The following USP31 variants were observed in gnomAD, a reference collection of about 807,000 sequenced individuals.
USP31 encodes ubiquitin carboxyl-terminal hydrolase 31.
In USP31, 44 loss-of-function variants were observed where a neutral mutation model predicts 119.4. The ratio of observed to expected loss-of-function variants is 0.37; its 90% confidence interval spans 0.29 to 0.47. USP31 has a LOEUF of 0.47. USP31 is among the 20% of genes least tolerant of loss of function. USP31 has a pLI of 0.99. For synonymous variants in USP31, 749 were observed against 705.6 expected (o/e 1.06, Z -0.97); for missense variants, 1,643 against 1,730.2 (o/e 0.95, Z 0.89).
At chr16:23,130,097 T>C (rs529879321) in intron 1 of USP31, among the ~76,000 whole-genome samples, 21 of 152,322 alleles carry the variant, frequency 1.4e-4, no homozygotes, top group African/African-American at 4.8e-4. Context: ...AAGTCTCTGA[T>C]GCTACAGCTC....
intron 1 of USP31, among the ~76,000 whole-genome samples, chr16:23,133,097 T>C (rs1206560863): frequency 6.6e-6 from 1 of 152,226 alleles, no homozygotes. Context: ...TGTGTGATGA[T>C]AGGAAAAATA....
At position 23,067,902 on chromosome 16, in the gene USP31, C is replaced by T; in HGVS notation, c.*144G>A. The T allele has an allele frequency of 9.8e-7, 1 of 1,019,612 alleles. No homozygotes were observed. Among genetic ancestry groups the T allele is most frequent in the Non-Finnish European group, 1.4e-6 (1 of 720,548 alleles). 63.2% of individuals were successfully genotyped at this position (1,019,612 alleles called of 1,614,324 possible). ...AATTTGCAATTGAATTAGACACACA[C>T]ACGCATACACTCACACACACACACA... On this transcript the variant is annotated 3_prime_UTR_variant, in exon 16 of 16. Coordinates refer to ENST00000219689, the MANE Select transcript of USP31 (RefSeq NM_020718.4).
At chr16:23,111,594 G>C (rs1374005201) in intron 1 of USP31, among the ~76,000 whole-genome samples, 1 of 152,202 alleles carries the variant, frequency 6.6e-6, no homozygotes, top group Non-Finnish European at 1.5e-5. Context: ...TAAGGACAAA[G>C]ATTTGGAATT....
rs1414957523 is a variant in USP31, at chr16:23,068,210, C to G, written c.3895G>C (p.Ala1299Pro). The change falls in exon 16 of 16, where the codon GCT becomes CCT. Residue 1299 changes from alanine to proline, a missense_variant. Ala to Pro is a conservative substitution (Grantham distance 27). Around this residue, in one of 5 missense-constraint regions of USP31, gnomAD observed 699 missense variants for 650.9 expected, o/e 1.07. Coordinates refer to ENST00000219689, the MANE Select transcript of USP31 (RefSeq NM_020718.4). ...GKEQLVTKDP[A>P]SAKHSLLSAR... ...GACAGCAGGGAATGTTTGGCAGAAGCAGGGTCCTTGGTGACAAGCTGCTCT... is the reference window on the plus strand; with the variant it reads ...GACAGCAGGGAATGTTTGGCAGAAGGAGGGTCCTTGGTGACAAGCTGCTCT... 6.2e-7 allele frequency: 1 copy of G among 1,614,174 alleles called. No homozygotes were observed. The highest frequency in any genetic ancestry group is 8.5e-7 in the Non-Finnish European group (1 of 1,180,026).
chr16:23,135,307 C>G (rs772124354), intron 1 of USP31, among the ~76,000 whole-genome samples: 11 of 152,094 alleles, frequency 7.2e-5, no homozygotes, highest in Non-Finnish European at 1.3e-4. Context: ...ACTTTTACCA[C>G]TTCTATTCAA....
In USP31 at chr16:23,087,754, C is replaced by T. The variant is rs894822948; in HGVS notation, c.1497G>A (p.Lys499=). 6.2e-7 allele frequency: 1 copy of T among 1,614,088 alleles called. No homozygotes were observed. Among genetic ancestry groups the T allele is most frequent in the Non-Finnish European group, 8.5e-7 (1 of 1,180,020 alleles). Residue 499 remains lysine, a synonymous_variant, in exon 8 of 16, where the codon AAG becomes AAA. Transcript: ENST00000219689. Reference sequence around the variant, plus strand: ...TGCAAACCGTGGGCCTCAAGAAATACTTCATCTTCTCCAAGATTTCCTTCT... The same window carrying T: ...TGCAAACCGTGGGCCTCAAGAAATATTTCATCTTCTCCAAGATTTCCTTCT... ...LLQKEILEKM[K]YFLRPTVCIQ...
rs2141820664 is a variant in USP31, at chr16:23,066,382, A to C, written c.*1664T>G. On this transcript the variant is annotated 3_prime_UTR_variant, in exon 16 of 16. Transcript: ENST00000219689. ...AAAATAAAGTTAAGTAACGTACTAAAAACTTTTCCCAAGAGATATTCTTGG... is the reference window on the plus strand; with the variant it reads ...AAAATAAAGTTAAGTAACGTACTAACAACTTTTCCCAAGAGATATTCTTGG... The C allele has an allele frequency of 6.5e-6, 1 of 152,732 alleles. No individual in the cohort carries two copies. The highest frequency in any genetic ancestry group is 2.1e-4 in the South Asian group (1 of 4,824). 9.5% of individuals were successfully genotyped at this position (152,732 alleles called of 1,614,324 possible).
At chr16:23,083,437 G>A (rs1032170693) in intron 11 of USP31, among the ~76,000 whole-genome samples, 1 of 152,016 alleles carries the variant, frequency 6.6e-6, no homozygotes, top group Non-Finnish European at 1.5e-5. Flanking sequence ...AACATGGTAT[G>A]TACTCAAAAA....
Position 23,068,764 on chromosome 16 carries a change from T to C in USP31, c.3341A>G (p.Lys1114Arg), listed in dbSNP as rs748444220. Residue 1114 changes from lysine (K) to arginine (R), a missense_variant, in exon 16 of 16, where the codon AAG (lysine) becomes AGG (arginine). Coordinates refer to ENST00000219689, the MANE Select transcript of USP31 (RefSeq NM_020718.4). ...QDSVSSPSPQ[K>R]QKSASALTYT... ...GGTGAGGGCCGAGGCTGACTTCTGC[T>C]TCTGTGGCGAAGGAGATGACACGGA... 6.3e-7 allele frequency: 1 copy of C among 1,581,602 alleles called. No individual in the cohort carries two copies. The highest frequency in any genetic ancestry group is 1.2e-5 in the South Asian group (1 of 85,296).
rs143388350 is a variant in USP31 at position 23,136,464 on chromosome 16, C to A, written c.633+12174G>T. 8.1e-3 allele frequency among the ~76,000 whole-genome samples: 1,234 copies of A among 151,858 alleles called. 21 individuals carry two copies. The highest frequency in any genetic ancestry group is 0.028 in the African/African-American group (1,143 of 41,416). ...GGTCAGGAGTTCGAGACCAGCCTGGCCAACATGGTGAAACCCCGTCTCTAC... is the reference window on the plus strand; with the variant it reads ...GGTCAGGAGTTCGAGACCAGCCTGGACAACATGGTGAAACCCCGTCTCTAC... On this transcript the variant is annotated intron_variant, in intron 1 of 15. Coordinates refer to ENST00000219689, the MANE Select transcript of USP31 (RefSeq NM_020718.4).
chr16:23,104,255 A>T (rs1369384268), intron 5 of USP31, among the ~76,000 whole-genome samples: 1 of 152,172 alleles, frequency 6.6e-6, no homozygotes. Context: ...TTCCTGGCAC[A>T]TTTTCCTTCT....
intron 1 of USP31, among the ~76,000 whole-genome samples, chr16:23,117,803 T>C (rs1902543380): frequency 6.6e-6 from 1 of 151,842 alleles, no homozygotes. Flanking sequence ...TCTGTTCTTG[T>C]TGTTGTTGAG....
chr16:23,119,262 C>A (rs1476314517), intron 1 of USP31, among the ~76,000 whole-genome samples: 2 of 151,868 alleles, frequency 1.3e-5, no homozygotes, highest in African/African-American at 2.4e-5. Context: ...CCATGCCCAG[C>A]TAATTTTTGT....
rs1016299078 is a variant in USP31 at position 23,072,888 on chromosome 16, A to G, written c.2336-691T>C. ...GTGTTAACTGAGTGAGTGGCTGTAC[A>G]CTGGGTGGGCTTGGCCCCCAGCAGG... On this transcript the variant is annotated intron_variant, in intron 14 of 15. Transcript: ENST00000219689. Among the ~76,000 whole-genome samples the G allele has an allele frequency of 2.0e-5, 3 of 151,906 alleles. No individual in the cohort carries two copies. In the East Asian group the frequency reaches 5.8e-4, roughly 30 times the overall value.
chr16:23,148,623 G>C lies in USP31; in HGVS notation c.633+15C>G. Reference sequence around the variant, plus strand: ...GCTCGGGGTGCAGTGGGGGCGCGGCGGCGCGCGGGCTCACCTTGAAGTCGC... The same window carrying C: ...GCTCGGGGTGCAGTGGGGGCGCGGCCGCGCGCGGGCTCACCTTGAAGTCGC... On this transcript the variant is annotated intron_variant, in intron 1 of 15. Coordinates refer to ENST00000219689, the MANE Select transcript of USP31 (RefSeq NM_020718.4). 1 of 1,456,654 alleles carries C rather than the reference G, an allele frequency of 6.9e-7. No homozygotes were observed. Among genetic ancestry groups the C allele is most frequent in the African/African-American group, 1.5e-5 (1 of 67,444 alleles). The allele number at this position is 1,456,654 out of a possible 1,614,324, so 90.2% of individuals were successfully genotyped here. A position where few individuals can be genotyped will look rare whatever the true frequency, so the allele number is the denominator to read the frequency against.
chr16:23,135,554 CA>C (rs1903163810), intron 1 of USP31, among the ~76,000 whole-genome samples: 1 of 151,426 alleles, frequency 6.6e-6, no homozygotes, highest in South Asian at 2.1e-4. Flanking sequence ...ATGAACAATC[CA>C]AAAATAAAAC....
intron 1 of USP31, among the ~76,000 whole-genome samples, chr16:23,139,253 T>C (rs888015570): frequency 2.6e-5 from 4 of 151,960 alleles, no homozygotes; most frequent in African/African-American, 9.7e-5. Context: ...AATACAAAAA[T>C]TAGCTGGGCA....
At position 23,069,452 on chromosome 16, in the gene USP31, C is replaced by G; in HGVS notation, c.2653G>C (p.Gly885Arg). 1 of 1,614,168 alleles carries G rather than the reference C, an allele frequency of 6.2e-7. No homozygotes were observed. The highest frequency in any genetic ancestry group is 8.5e-7 in the Non-Finnish European group (1 of 1,180,028). Residue 885 changes from glycine (G) to arginine (R), a missense_variant, in exon 16 of 16, where the codon GGG (glycine) becomes CGG (arginine). By Grantham distance (125) the Gly-to-Arg change is moderately radical (BLOSUM62 -2). Coordinates refer to ENST00000219689, the MANE Select transcript of USP31 (RefSeq NM_020718.4). ...MRSNSPSRFS[G>R]DSPIHSSAST... ...GCAGAGCTGTGAATTGGCGAATCCC[C>G]TGAAAATCGGGATGGAGAATTGGAG...
chr16:23,134,089 TCACA>T (rs10557354), intron 1 of USP31, among the ~76,000 whole-genome samples: 31,645 of 146,060 alleles, frequency 0.22, 3,362 homozygotes, highest in Admixed American at 0.27. Context: ...TCTCTCTCTC[TCACA>T]CACACACACA....
Sources: allele counts gnomAD v4.1 joint callset (sites outside exome capture counted in the v4.1 genomes callset), GRCh38; gene constraint gnomAD v4.1.1; regional missense constraint gnomAD v4.1.1; transcripts MANE v1.5; gene names NCBI Gene and HGNC (gene_info 2026-07-23, HGNC 2026-07-21).